The following ATG7 variants were observed in gnomAD, a reference collection of about 807,000 sequenced individuals.
ATG7 encodes the protein autophagy related 7.
ATG7 carries 70 observed loss-of-function variants against 82.4 expected under a neutral mutation model. That is an observed-to-expected ratio of 0.85 (90% confidence interval 0.70 to 1.04). ATG7 has a LOEUF of 1.04. Among genes scored for constraint, ATG7 ranks in the 50% least tolerant of loss-of-function variants. ATG7 has a pLI of 0.00. For missense variants in ATG7, 792 were observed against 864.3 expected (o/e 0.92, Z 1.05); for synonymous variants, 287 against 313.0 (o/e 0.92, Z 0.88).
chr3:11,349,240 C>T (rs201850579), intron 14 of ATG7, among the ~76,000 whole-genome samples: 5 of 8,560 alleles, frequency 5.8e-4, no homozygotes, highest in Non-Finnish European at 2.3e-3. Flanking sequence ...GAAAAGTTCT[C>T]CCAAGTCCCC....
chr3:11,575,193 G>T, the ATG7 span, among the ~76,000 whole-genome samples: 2 of 152,184 alleles, frequency 1.3e-5, no homozygotes, highest in African/African-American at 4.8e-5. Context: ...TGCCCGGAGG[G>T]TTTCAAAAGC....
intron 19 of ATG7, among the ~76,000 whole-genome samples, chr3:11,382,416 C>G (rs1354687919): frequency 6.6e-6 from 1 of 152,178 alleles, no homozygotes. Context: ...ATTTCTTATC[C>G]TATGTGATCT....
intron 20 of ATG7, among the ~76,000 whole-genome samples, chr3:11,437,257 C>G (rs568341368): frequency 6.6e-6 from 1 of 152,158 alleles, no homozygotes; most frequent in Non-Finnish European, 1.5e-5. Flanking sequence ...AGGATCTCTT[C>G]CATTTTTATT....
chr3:11,497,533 C>CAAA (rs760302631), intron 20 of ATG7, among the ~76,000 whole-genome samples: 37 of 77,396 alleles, frequency 4.8e-4, no homozygotes, highest in African/African-American at 1.8e-3. Context: ...GAGACTCCAC[C>CAAA]AAAAAAAAAA....
intron 3 of ATG7, among the ~76,000 whole-genome samples, chr3:11,287,028 A>T (rs1386624063): frequency 6.6e-6 from 1 of 152,094 alleles, no homozygotes; most frequent in Non-Finnish European, 1.5e-5. Context: ...CAGCCTTCCG[A>T]AGTGCTGGGA....
rs535674002 is a variant in ATG7 at position 11,307,110 on chromosome 3, AG to A, written c.333+52del. 175 of 1,542,948 alleles carry A rather than the reference AG, an allele frequency of 1.1e-4. No homozygotes were observed. In the East Asian group the frequency reaches 3.0e-3, roughly 27 times the overall value. On this transcript the variant is annotated intron_variant, in intron 6 of 20. Coordinates refer to ENST00000693202, the MANE Select transcript of ATG7 (RefSeq NM_001349232.2). Reference sequence around the variant, plus strand: ...GTGTCATATTTCCTGTGGTCCTGGCAGGTGCAGTGTTTGTGATCAGGCACAT... The same window carrying A: ...GTGTCATATTTCCTGTGGTCCTGGCAGTGCAGTGTTTGTGATCAGGCACAT...
At chr3:11,437,057 G>T (rs139050477) in intron 20 of ATG7, among the ~76,000 whole-genome samples, 1 of 152,220 alleles carries the variant, frequency 6.6e-6, no homozygotes, top group Non-Finnish European at 1.5e-5. Context: ...ATCATATGGT[G>T]TGTGAATTAT....
At chr3:11,396,804 A>G (rs893880885) in intron 19 of ATG7, among the ~76,000 whole-genome samples, 19 of 151,262 alleles carry the variant, frequency 1.3e-4, no homozygotes, top group Non-Finnish European at 2.1e-4. Flanking sequence ...AAAAGAAAAG[A>G]AAAGAAAAGT....
At chr3:11,398,490 C>A (rs1477932904) in intron 19 of ATG7, among the ~76,000 whole-genome samples, 3 of 152,050 alleles carry the variant, frequency 2.0e-5, no homozygotes, top group African/African-American at 7.2e-5. Context: ...TTAAGGATGA[C>A]ATAATGGAAA....
chr3:11,443,135 G>A (rs1446356291), intron 20 of ATG7, among the ~76,000 whole-genome samples: 7 of 152,214 alleles, frequency 4.6e-5, no homozygotes, highest in East Asian at 1.9e-4. Flanking sequence ...TCCAGGTGTC[G>A]CCATGCACTC....
chr3:11,570,505 C>A, the ATG7 span, among the ~76,000 whole-genome samples: 1 of 152,224 alleles, frequency 6.6e-6, no homozygotes, highest in East Asian at 1.9e-4. Flanking sequence ...CTGCAGCCCC[C>A]ACGCCCTAAT....
At chr3:11,568,539 T>G in the ATG7 span, 24 of 1,549,228 alleles carry the variant, frequency 1.5e-5, 2 homozygotes, top group South Asian at 2.0e-4. This position sits in a 1 kb window ranked among gnomAD's most constrained non-coding sequence, Gnocchi z 5.9. Context: ...ACAAAGACAC[T>G]GAAAACAGCG....
Position 11,373,770 on chromosome 3 carries a change from T to C in ATG7, c.1876-6202T>C, listed in dbSNP as rs2077198810. Reference sequence around the variant, plus strand: ...CTTGGATTTTAGATTGCTCTGGGGTTTCTATGCATATGTAAGTAAGGTGCA... The same window carrying C: ...CTTGGATTTTAGATTGCTCTGGGGTCTCTATGCATATGTAAGTAAGGTGCA... On this transcript the variant is annotated intron_variant, in intron 18 of 20. Transcript: ENST00000693202. 2.6e-5 allele frequency among the ~76,000 whole-genome samples: 4 copies of C among 152,222 alleles called. No homozygotes were observed. The South Asian group carries it at 8.3e-4, about 32-fold the overall frequency.
chr3:11,395,324 T>C (rs2079122552), intron 19 of ATG7, among the ~76,000 whole-genome samples: 1 of 152,208 alleles, frequency 6.6e-6, no homozygotes, highest in South Asian at 2.1e-4. Context: ...TATAGCAACA[T>C]TGAATGGGAT....
chr3:11,383,930 C>A, intron 19 of ATG7, among the ~76,000 whole-genome samples: 1 of 152,070 alleles, frequency 6.6e-6, no homozygotes, highest in African/African-American at 2.4e-5. Context: ...AAAACAACTC[C>A]GTAAGTTTTA....
At chr3:11,431,416 C>T (rs2082877592) in intron 20 of ATG7, among the ~76,000 whole-genome samples, 1 of 152,216 alleles carries the variant, frequency 6.6e-6, no homozygotes, top group Non-Finnish European at 1.5e-5. Flanking sequence ...ACAACACACA[C>T]ACACCTTTTT....
chr3:11,343,116 A>G (rs1000915997), intron 13 of ATG7, among the ~76,000 whole-genome samples: 4 of 151,930 alleles, frequency 2.6e-5, no homozygotes, highest in Non-Finnish European at 5.9e-5. Context: ...TTTAGTAGAG[A>G]CGGGGTTTCA....
intron 20 of ATG7, among the ~76,000 whole-genome samples, chr3:11,505,592 G>C (rs746512811): frequency 6.6e-6 from 1 of 152,106 alleles, no homozygotes; most frequent in Non-Finnish European, 1.5e-5. Context: ...CCTTACCTCC[G>C]ACCGCAAAAG....
chr3:11,286,736 C>T (rs868394990), intron 3 of ATG7, among the ~76,000 whole-genome samples: 1 of 151,116 alleles, frequency 6.6e-6, no homozygotes, highest in South Asian at 2.1e-4. Flanking sequence ...TAGCTGGGAA[C>T]ACAGGCGCAT....
Sources: gnomAD v4.1 joint callset for allele counts (sites outside exome capture counted in the v4.1 genomes callset) on GRCh38, gnomAD v4.1.1 for gene constraint, Gnocchi (gnomAD v3.1) non-coding constraint, MANE v1.5 for transcripts, NCBI Gene and HGNC (gene_info 2026-07-23, HGNC 2026-07-21) for gene names.